Variants in ABI1 observed in about 807,000 individuals in gnomAD.
ABI1 encodes Abelson interactor 1.
In ABI1, 14 loss-of-function variants were observed where a neutral mutation model predicts 54.6. The observed-to-expected ratio is 0.26, with a 90% CI of 0.17 to 0.40. The LOEUF (loss-of-function observed/expected upper bound fraction) is 0.40, where lower values mean the gene tolerates loss of function less well. ABI1 is among the 10% of genes least tolerant of loss of function. The pLI, the probability that ABI1 is intolerant of heterozygous loss-of-function variation, is 1.00. For missense variants in ABI1, 443 were observed against 598.3 expected, an observed-to-expected ratio of 0.74 and a Z score of 2.71; for synonymous variants, 194 against 209.3, an observed-to-expected ratio of 0.93 and a Z score of 0.63.
chr10:26,827,964 T>C (rs1248296503), intron 1 of ABI1, among the ~76,000 whole-genome samples: 1 of 152,240 alleles, frequency 6.6e-6, no homozygotes, highest in African/African-American at 2.4e-5. Context: ...AACTTTTCCT[T>C]TGCATTCACA....
chr10:26,796,824 G>A (rs932114632), intron 2 of ABI1, among the ~76,000 whole-genome samples: 1 of 152,188 alleles, frequency 6.6e-6, no homozygotes, highest in African/African-American at 2.4e-5. Context: ...GGGGAGACAG[G>A]CGAATGGTTT....
intron 1 of ABI1, among the ~76,000 whole-genome samples, chr10:26,828,605 T>C (rs2048458043): frequency 6.6e-6 from 1 of 152,222 alleles, no homozygotes; most frequent in Non-Finnish European, 1.5e-5. Context: ...AGCCTAACTG[T>C]GCATCCAATT....
At chr10:26,842,177 G>C (rs545637193) in intron 1 of ABI1, among the ~76,000 whole-genome samples, 9 of 152,260 alleles carry the variant, frequency 5.9e-5, no homozygotes, top group African/African-American at 2.2e-4. Flanking sequence ...TTTCTGCATG[G>C]CTAATGCTGT....
chr10:26,764,230 A>C (rs957756089), intron 7 of ABI1, among the ~76,000 whole-genome samples: 3 of 152,166 alleles, frequency 2.0e-5, no homozygotes, highest in South Asian at 2.1e-4. Context: ...AACATTTTTC[A>C]TTATCATACT....
intron 1 of ABI1, among the ~76,000 whole-genome samples, chr10:26,851,699 G>T (rs188667609): frequency 6.6e-6 from 1 of 151,386 alleles, no homozygotes; most frequent in African/African-American, 2.5e-5. Flanking sequence ...CCACAGTTAG[G>T]ACTTTAGCTA....
chr10:26,856,970 T>C (rs1414461991), intron 1 of ABI1, among the ~76,000 whole-genome samples: 1 of 152,146 alleles, frequency 6.6e-6, no homozygotes, highest in Non-Finnish European at 1.5e-5. Flanking sequence ...TTCAATCTGG[T>C]CATAGTAAAG....
intron 6 of ABI1, among the ~76,000 whole-genome samples, chr10:26,768,399 G>T (rs914091478): frequency 6.6e-6 from 1 of 151,748 alleles, no homozygotes; most frequent in African/African-American, 2.4e-5. Context: ...TTAGCCAGGC[G>T]TGGTGGCTCA....
intron 2 of ABI1, 66 bp from the exon 3 acceptor site, chr10:26,777,307 A>G: frequency 7.7e-7 from 1 of 1,302,862 alleles, no homozygotes; most frequent in Non-Finnish European, 1.1e-6. Context: ...ATCCATATAC[A>G]CTGGACCATA....
chr10:26,824,142 G>C (rs2048160090), intron 1 of ABI1, among the ~76,000 whole-genome samples: 1 of 151,734 alleles, frequency 6.6e-6, no homozygotes. Flanking sequence ...AAAAGCAATG[G>C]AACCACTCTT....
At chr10:26,814,990 T>C (rs1490890376) in intron 2 of ABI1, among the ~76,000 whole-genome samples, 1 of 152,180 alleles carries the variant, frequency 6.6e-6, no homozygotes, top group Admixed American at 6.5e-5. Context: ...ACATAATCTA[T>C]GCTGTATTAA....
intron 1 of ABI1, among the ~76,000 whole-genome samples, chr10:26,857,358 T>TGGCA (rs2050909606): frequency 7.1e-6 from 1 of 140,518 alleles, no homozygotes; most frequent in Admixed American, 7.4e-5. Flanking sequence ...AAACACTTTC[T>TGGCA]GGCAAGGTGC....
intron 2 of ABI1, among the ~76,000 whole-genome samples, chr10:26,813,178 G>A (rs1460241635): frequency 6.6e-6 from 1 of 151,962 alleles, no homozygotes; most frequent in Non-Finnish European, 1.5e-5. Flanking sequence ...GAATCCAGGA[G>A]GCGGAGGTTG....
intron 1 of ABI1, among the ~76,000 whole-genome samples, chr10:26,830,873 T>C (rs79054108): frequency 6.6e-6 from 1 of 152,200 alleles, no homozygotes; most frequent in Non-Finnish European, 1.5e-5. Context: ...CATTTCTTCA[T>C]TGATAAAATG....
At chr10:26,838,386 C>G (rs1433306694) in intron 1 of ABI1, among the ~76,000 whole-genome samples, 1 of 152,084 alleles carries the variant, frequency 6.6e-6, no homozygotes, top group African/African-American at 2.4e-5. Flanking sequence ...TTCTAAACAT[C>G]AGAATCAGTT....
intron 2 of ABI1, among the ~76,000 whole-genome samples, chr10:26,785,623 G>A (rs1352628112): frequency 1.3e-5 from 2 of 152,012 alleles, no homozygotes; most frequent in African/African-American, 4.8e-5. Context: ...TTGCGGGGGT[G>A]CTGAGGCATG....
chr10:26,751,510 A>G, intron 10 of ABI1, 88 bp downstream of exon 10: 1 of 1,349,952 alleles, frequency 7.4e-7, no homozygotes, highest in Non-Finnish European at 1.0e-6. Flanking sequence ...TAAAAGGCTG[A>G]GAAACATTGG....
At chr10:26,794,863 G>A (rs919512946) in intron 2 of ABI1, among the ~76,000 whole-genome samples, 1 of 152,072 alleles carries the variant, frequency 6.6e-6, no homozygotes, top group Non-Finnish European at 1.5e-5. Flanking sequence ...GTTACTTAGG[G>A]CCAGGAGTGG....
In ABI1 at chr10:26,761,617, CATATATATATATATATATAT is replaced by C. The variant is rs1164854399; in HGVS notation, c.821-2399_821-2380del. Reference sequence around the variant, plus strand: ...TCTTTCTTCTGTAAATAGTTTTTGTCATATATATATATATATATATATATATATATATATATATATATATA... The same window carrying C: ...TCTTTCTTCTGTAAATAGTTTTTGTCATATATATATATATATATATATATA... On this transcript the variant is annotated intron_variant, in intron 7 of 10. Transcript: ENST00000376140. 1.3e-3 allele frequency among the ~76,000 whole-genome samples: 67 copies of C among 49,838 alleles called. 2 individuals are homozygous for C. The highest frequency in any genetic ancestry group is 3.4e-3 in the East Asian group (5 of 1,456). 32.7% of individuals were successfully genotyped at this position (49,838 alleles called of 152,430 possible).
intron 1 of ABI1, among the ~76,000 whole-genome samples, chr10:26,851,241 G>A (rs1012450900): frequency 1.3e-5 from 2 of 151,994 alleles, no homozygotes; most frequent in African/African-American, 4.8e-5. Flanking sequence ...TGTTGCCCAG[G>A]CTGGAGTGCA....
Sources: gnomAD v4.1 joint callset for allele counts (sites outside exome capture counted in the v4.1 genomes callset) on GRCh38, gnomAD v4.1.1 for gene constraint, MANE v1.5 for transcripts, NCBI Gene and HGNC (gene_info 2026-07-23, HGNC 2026-07-21) for gene names.